Variants in SEMA3A observed in about 807,000 individuals in gnomAD.
SEMA3A encodes the protein semaphorin-3A.
Under a neutral mutation model 97.9 loss-of-function variants are expected in SEMA3A, and 29 were observed. The observed-to-expected ratio is 0.30, with a 90% CI of 0.22 to 0.40. The LOEUF is 0.40. SEMA3A is among the 10% of genes least tolerant of loss of function. The pLI, the probability that SEMA3A is intolerant of heterozygous loss-of-function variation, is 1.00. For missense variants in SEMA3A, 763 were observed against 951.3 expected (o/e 0.80, Z 2.60); for synonymous variants, 321 against 323.7 (o/e 0.99, Z 0.09).
intron 1 of SEMA3A, among the ~76,000 whole-genome samples, chr7:84,374,056 G>A (rs964253553): frequency 2.0e-5 from 3 of 152,252 alleles, no homozygotes; most frequent in East Asian, 3.9e-4. Flanking sequence ...ATGAGATCAC[G>A]GGAGAGGAAT....
At chr7:84,187,423 C>G (rs934326339) in intron 1 of SEMA3A, among the ~76,000 whole-genome samples, 1 of 152,090 alleles carries the variant, frequency 6.6e-6, no homozygotes, top group African/African-American at 2.4e-5. Flanking sequence ...GCAATAATTC[C>G]TCAGCCTGGT....
chr7:84,260,377 G>T (rs147206184), intron 3 of SEMA3A, among the ~76,000 whole-genome samples: 1 of 152,226 alleles, frequency 6.6e-6, no homozygotes, highest in Non-Finnish European at 1.5e-5. Context: ...TCCAGTGGGA[G>T]CCAGGAACAG....
At chr7:84,230,166 T>C (rs1799087065) in intron 3 of SEMA3A, among the ~76,000 whole-genome samples, 1 of 151,966 alleles carries the variant, frequency 6.6e-6, no homozygotes, top group African/African-American at 2.4e-5. Flanking sequence ...AACTCTTACT[T>C]CACAGATCTA....
intron 3 of SEMA3A, among the ~76,000 whole-genome samples, chr7:84,207,820 T>C (rs1361397491): frequency 6.6e-6 from 1 of 152,010 alleles, no homozygotes; most frequent in African/African-American, 2.4e-5. Context: ...TTCCCTGCAA[T>C]TGAGCTGCAA....
Position 84,004,713 on chromosome 7 carries a change from G to A in SEMA3A, c.1360+626C>T, listed in dbSNP as rs910984143. The stretch of plus-strand genomic sequence containing the variant: ...AACTTATCTACTTGTCACAGAAAAG[G>A]GAATTTATTTTAAATTAGTATGTCT... On this transcript the variant is annotated intron_variant, in intron 11 of 16. Transcript: ENST00000265362. 3.3e-5 allele frequency among the ~76,000 whole-genome samples: 5 copies of A among 152,090 alleles called. No individual in the cohort carries two copies. The East Asian group carries it at 5.8e-4, about 18-fold the overall frequency.
intron 11 of SEMA3A, 36 bp downstream of exon 11, chr7:84,005,303 C>T (rs199819082): frequency 2.3e-5 from 33 of 1,466,668 alleles, no homozygotes; most frequent in East Asian, 1.4e-4. Flanking sequence ...ACATAGTGTT[C>T]GGAAAAAAGT....
At chr7:84,300,696 A>G (rs1800988213) in intron 3 of SEMA3A, among the ~76,000 whole-genome samples, 1 of 152,158 alleles carries the variant, frequency 6.6e-6, no homozygotes, top group Non-Finnish European at 1.5e-5. Context: ...AAATAATTAC[A>G]AAGTACAAAG....
At chr7:83,994,430 T>TC (rs1420237349) in intron 12 of SEMA3A, among the ~76,000 whole-genome samples, 1 of 121,664 alleles carries the variant, frequency 8.2e-6, no homozygotes. Flanking sequence ...CTCTGTTTTT[T>TC]CCCCATCTTT....
chr7:84,358,974 C>A (rs1802643148), intron 2 of SEMA3A, among the ~76,000 whole-genome samples: 1 of 152,118 alleles, frequency 6.6e-6, no homozygotes, highest in African/African-American at 2.4e-5. Flanking sequence ...GATTTTTGCA[C>A]ATTGATCCTG....
At chr7:84,086,604 A>ATATAATATATTATTATATT (rs1382445049) in intron 4 of SEMA3A, among the ~76,000 whole-genome samples, 19 of 141,476 alleles carry the variant, frequency 1.3e-4, no homozygotes, top group African/African-American at 2.4e-4. Flanking sequence ...TTATATTTAT[A>ATATAATATATTATTATATT]ATCCTCACAA....
At chr7:84,448,733 T>A (rs1805487879) in intron 1 of SEMA3A, among the ~76,000 whole-genome samples, 1 of 151,864 alleles carries the variant, frequency 6.6e-6, no homozygotes. Context: ...ATGTCAGTAC[T>A]ACACAAAGTG....
intron 1 of SEMA3A, among the ~76,000 whole-genome samples, chr7:84,410,360 T>C (rs547089044): frequency 3.9e-5 from 6 of 152,146 alleles, no homozygotes; most frequent in Non-Finnish European, 5.9e-5. Flanking sequence ...ATAAAAGACA[T>C]TCTTTTAATG....
In SEMA3A at chr7:83,961,608, A is replaced by G. The variant is rs774218419; in HGVS notation, c.2079T>C (p.Asn693=). Residue 693 remains asparagine, a synonymous_variant, in exon 17 of 17, where the codon AAT becomes AAC. Transcript: ENST00000265362. ...AGACCTTCTGGCTAGGTGTCATGCT[A>G]TTGGACATTTCTTTGGTCTTAGAGC... The part of the protein sequence containing the change: ...GDGSKTKEMS[N]SMTPSQKVWY... 2.5e-6 allele frequency: 4 copies of G among 1,614,038 alleles called. No individual in the cohort carries two copies. The highest frequency in any genetic ancestry group is 3.4e-6 in the Non-Finnish European group (4 of 1,179,936).
Position 84,129,120 on chromosome 7 carries a change from T to C in SEMA3A, c.333+3A>G. 6.2e-7 allele frequency: 1 copy of C among 1,606,176 alleles called. No homozygotes were observed. The highest frequency in any genetic ancestry group is 8.5e-7 in the Non-Finnish European group (1 of 1,172,828). On this transcript the variant is annotated splice_donor_region_variant and intron_variant, in intron 3 of 16. Transcript: ENST00000265362. ...TATAATAATTTAGTAGGTTAATGCT[T>C]ACCAGGATGTCTTTTCCAGCCCACT...
chr7:84,126,255 G>A (rs1795788264), intron 3 of SEMA3A, among the ~76,000 whole-genome samples: 1 of 151,902 alleles, frequency 6.6e-6, no homozygotes, highest in Admixed American at 6.6e-5. Context: ...ACCCAGGCTG[G>A]AGTTCAGTGG....
intron 1 of SEMA3A, among the ~76,000 whole-genome samples, chr7:84,382,054 A>G (rs1385044804): frequency 1.3e-5 from 2 of 152,182 alleles, no homozygotes; most frequent in Non-Finnish European, 2.9e-5. Context: ...GGCTTCATTC[A>G]GAAAGTTGTA....
In SEMA3A at chr7:84,035,608, C is replaced by T. The variant is rs117137678; in HGVS notation, c.667+10716G>A. The stretch of plus-strand genomic sequence containing the variant: ...TGAGAAAAATGTCTGGATCAAGAAC[C>T]ATGATTATTCCTATTAATTAATTTA... On this transcript the variant is annotated intron_variant, in intron 6 of 16. Transcript: ENST00000265362. Among the ~76,000 whole-genome samples the T allele has an allele frequency of 7.4e-3, 1,125 of 151,900 alleles. 18 individuals carry two copies. Among genetic ancestry groups the T allele is most frequent in the Non-Finnish European group, 6.6e-3 (447 of 67,880 alleles).
intron 3 of SEMA3A, among the ~76,000 whole-genome samples, chr7:84,222,002 C>T (rs896704476): frequency 4.6e-5 from 7 of 151,784 alleles, no homozygotes; most frequent in South Asian, 2.1e-4. Context: ...AAGATACGCC[C>T]GTATATCAAT....
intron 1 of SEMA3A, among the ~76,000 whole-genome samples, chr7:84,449,976 C>T (rs1232665324): frequency 1.3e-5 from 2 of 152,154 alleles, no homozygotes; most frequent in African/African-American, 4.8e-5. Flanking sequence ...TTTATCCATT[C>T]ATCCATCCAC....
Sources: allele counts gnomAD v4.1 joint callset (sites outside exome capture counted in the v4.1 genomes callset), GRCh38; gene constraint gnomAD v4.1.1; transcripts MANE v1.5; gene names NCBI Gene and HGNC (gene_info 2026-07-23, HGNC 2026-07-21).